The following PABPC4 variants were observed in gnomAD, a reference collection of about 807,000 sequenced individuals.
PABPC4 encodes the protein poly(A) binding protein cytoplasmic 4.
PABPC4 carries 15 observed loss-of-function variants against 74.5 expected under a neutral mutation model. The observed-to-expected ratio is 0.20, with a 90% CI of 0.13 to 0.31. The LOEUF (loss-of-function observed/expected upper bound fraction) is 0.31, where lower values mean the gene tolerates loss of function less well. Among genes scored for constraint, PABPC4 ranks in the 10% least tolerant of loss-of-function variants. The pLI is 1.00. For missense variants in PABPC4, 610 were observed against 853.5 expected, an observed-to-expected ratio of 0.71 and a Z score of 3.55; for synonymous variants, 345 against 303.0, an observed-to-expected ratio of 1.14 and a Z score of -1.44.
chr1:39,565,204 T>C lies in PABPC4; in HGVS notation c.1147A>G (p.Met383Val). ...GCTCTCATTCCAGCCACTCGTTGCA[T>C]ATACTGGTTGGTCAGGTGAGCCTTT... ...ERKAHLTNQY[M>V]QRVAGMRALP... Residue 383 changes from methionine to valine, a missense_variant, in exon 8 of 16, where the codon ATG (methionine) becomes GTG (valine). This residue lies in a region of PABPC4 where 277 missense variants were observed against 301.8 expected (regional missense o/e 0.92). Coordinates refer to ENST00000372858, the MANE Select transcript of PABPC4 (RefSeq NM_001135653.2). 1 of 1,614,220 alleles carries C rather than the reference T, an allele frequency of 6.2e-7. No individual in the cohort carries two copies. Among genetic ancestry groups the C allele is most frequent in the Non-Finnish European group, 8.5e-7 (1 of 1,180,030 alleles).
At chr1:39,573,381 A>G (rs920706189) in intron 1 of PABPC4, among the ~76,000 whole-genome samples, 1 of 152,208 alleles carries the variant, frequency 6.6e-6, no homozygotes, top group Non-Finnish European at 1.5e-5. Context: ...CCCTGCACCC[A>G]CCTTTTGAAG....
At position 39,569,933 on chromosome 1, in the gene PABPC4, G is replaced by A. The variant is rs536003408; in HGVS notation, c.573C>T (p.Thr191=). The A allele has an allele frequency of 2.5e-6, 4 of 1,613,920 alleles. No individual in the cohort carries two copies. In the South Asian group the frequency reaches 3.3e-5, roughly 13 times the overall value. The part of the protein sequence containing the change: ...AELGAKAKEF[T]NVYIKNFGEE... ...CCCCAAAGTTTTTGATATAAACATT[G>A]GTGAATTCCTTGGCTTTGGCTCCAA... The change falls in exon 4 of 16, where the codon ACC becomes ACT. Residue 191 remains threonine (T), a synonymous_variant. Coordinates refer to ENST00000372858, the MANE Select transcript of PABPC4 (RefSeq NM_001135653.2).
chr1:39,572,407 T>C lies in PABPC4; in HGVS notation c.373A>G (p.Ile125Val), dbSNP rs1407903800. The change falls in exon 2 of 16, where the codon ATA (isoleucine) becomes GTA (valine). Residue 125 changes from isoleucine (I) to valine (V), a missense_variant. Around this residue, in one of 4 missense-constraint regions of PABPC4, gnomAD observed 304 missense variants for 478.9 expected, o/e 0.63. Coordinates refer to ENST00000372858, the MANE Select transcript of PABPC4 (RefSeq NM_001135653.2). ...LYDTFSAFGN[I>V]LSCKVVCDEN... is the part of the protein sequence containing the mutation. ...TCAATGTTTACCTTGCAGGACAGTA[T>C]GTTTCCAAAAGCAGAAAAAGTATCA... The C allele has an allele frequency of 2.5e-6, 4 of 1,611,570 alleles. No individual in the cohort carries two copies. The highest frequency in any genetic ancestry group is 1.3e-5 in the African/African-American group (1 of 74,892).
Position 39,564,489 on chromosome 1 carries a change from G to A in PABPC4, c.1387C>T (p.Arg463Cys), listed in dbSNP as rs756811613. ...GCATTACCAGTTGGAGCCAGATGGCGAAGAGTTGGACGAGGCCCAGACTGG... is the reference window on the plus strand; with the variant it reads ...GCATTACCAGTTGGAGCCAGATGGCAAAGAGTTGGACGAGGCCCAGACTGG... ...IRQSGPRPTL[R>C]HLAPTGNAPA... The change falls in exon 10 of 16, where the codon CGC becomes TGC. Residue 463 changes from arginine to cysteine, a missense_variant. Around this residue, in one of 4 missense-constraint regions of PABPC4, gnomAD observed 277 missense variants for 301.8 expected, o/e 0.92. Coordinates refer to ENST00000372858, the MANE Select transcript of PABPC4 (RefSeq NM_001135653.2). 1.2e-5 allele frequency: 20 copies of A among 1,614,122 alleles called. No individual in the cohort carries two copies. The highest frequency in any genetic ancestry group is 1.5e-5 in the Non-Finnish European group (18 of 1,180,038).
chr1:39,562,532 T>G, intron 12 of PABPC4, 116 bp from the exon 13 acceptor site: 1 of 733,894 alleles, frequency 1.4e-6, no homozygotes, highest in Non-Finnish European at 2.3e-6. Context: ...AGGAGGTGGC[T>G]GTCCTTGCTC....
At chr1:39,571,466 G>A in intron 2 of PABPC4, 117 bp from the exon 3 acceptor site, 1 of 1,165,870 alleles carries the variant, frequency 8.6e-7, no homozygotes, top group East Asian at 2.5e-5. Flanking sequence ...TGGTGGTCAA[G>A]TACACCAGTA....
chr1:39,572,359 A>G lies in PABPC4; in HGVS notation c.387+34T>C, dbSNP rs370917174. On this transcript the variant is annotated intron_variant, in intron 2 of 15. Transcript: ENST00000372858. ...TTATCTTGTTTTCAAGAATCAATTA[A>G]TTATTCTGCTAAAATCATTTAATCA... is the stretch of plus-strand genomic sequence containing the variant. The G allele has an allele frequency of 9.0e-6, 13 of 1,450,778 alleles. No individual in the cohort carries two copies. In the African/African-American group the frequency reaches 1.8e-4, roughly 20 times the overall value. 89.9% of individuals were successfully genotyped at this position (1,450,778 alleles called of 1,614,324 possible). A position where few individuals can be genotyped will look rare whatever the true frequency, so the allele number is the denominator to read the frequency against.
chr1:39,564,106 T>C (rs1255588238), intron 10 of PABPC4, 184 bp from the exon 11 acceptor site: 10 of 629,298 alleles, frequency 1.6e-5, no homozygotes, highest in Non-Finnish European at 2.5e-5. Flanking sequence ...CAAGACATAT[T>C]CTGTATACAC....
intron 8 of PABPC4, 48 bp from the exon 9 acceptor site, chr1:39,564,821 T>G: frequency 1.4e-6 from 2 of 1,412,230 alleles, no homozygotes; most frequent in Non-Finnish European, 2.0e-6. Context: ...ACTGAACCCA[T>G]CCTAGAGAAG....
intron 5 of PABPC4, 91 bp from the exon 6 acceptor site, chr1:39,569,030 T>A: frequency 7.0e-7 from 1 of 1,435,518 alleles, no homozygotes; most frequent in South Asian, 1.4e-5. Flanking sequence ...CTTTCTACTA[T>A]AGGACTAAAA....
chr1:39,564,999 A>G (rs1645815583), intron 8 of PABPC4, 107 bp downstream of exon 8: 1 of 1,236,026 alleles, frequency 8.1e-7, no homozygotes, highest in Admixed American at 1.9e-5. Context: ...AAGGGTCCTT[A>G]TTGTGACATT....
At chr1:39,575,031 C>G (rs1645996975) in intron 1 of PABPC4, among the ~76,000 whole-genome samples, 1 of 152,228 alleles carries the variant, frequency 6.6e-6, no homozygotes, top group Non-Finnish European at 1.5e-5. Context: ...TAGTGCAAAG[C>G]ACTGTTACAG....
At chr1:39,575,233 G>C (rs574125842) in intron 1 of PABPC4, among the ~76,000 whole-genome samples, 12 of 152,324 alleles carry the variant, frequency 7.9e-5, no homozygotes, top group Admixed American at 7.8e-4. Flanking sequence ...CTCTGCGAAA[G>C]TTTAACGCAC....
Position 39,568,793 on chromosome 1 carries a change from C to T in PABPC4, c.876+9G>A. The T allele has an allele frequency of 1.2e-6, 2 of 1,611,318 alleles. No homozygotes were observed. The highest frequency in any genetic ancestry group is 1.3e-5 in the African/African-American group (1 of 74,912). ...ATCCCATTGCTAGGCTGGGCCAAGA[C>T]CACCTTACCTGATATCGACTAATTC... On this transcript the variant is annotated intron_variant, in intron 6 of 15. Coordinates refer to ENST00000372858, the MANE Select transcript of PABPC4 (RefSeq NM_001135653.2).
At chr1:39,568,983 G>C in intron 5 of PABPC4, 44 bp from the exon 6 acceptor site, 1 of 1,586,256 alleles carries the variant, frequency 6.3e-7, no homozygotes, top group Non-Finnish European at 8.6e-7. Context: ...TGCAGCGATG[G>C]GGTCTTATTC....
In PABPC4 at chr1:39,576,258, T is replaced by G. The variant is rs950266270; in HGVS notation, c.-307A>C. 1.3e-5 allele frequency: 4 copies of G among 300,046 alleles called. No individual in the cohort carries two copies. The East Asian group carries it at 2.2e-4, about 16-fold the overall frequency. 18.6% of individuals were successfully genotyped at this position (300,046 alleles called of 1,614,324 possible). A position where few individuals can be genotyped will look rare whatever the true frequency, so the allele number is the denominator to read the frequency against. ...TCAAAAAATCAAAGTAGGAAAAAAA[T>G]TAAACGGGGAATCCCCTTCCGAAGG... is the stretch of plus-strand genomic sequence containing the variant. On this transcript the variant is annotated 5_prime_UTR_variant, in exon 1 of 16. Transcript: ENST00000372858.
chr1:39,576,024 C>T lies in PABPC4; in HGVS notation c.-73G>A, dbSNP rs1646020964. 2 of 1,019,780 alleles carry T rather than the reference C, an allele frequency of 2.0e-6. No homozygotes were observed. The highest frequency in any genetic ancestry group is 3.5e-5 in the Admixed American group (1 of 28,368). 63.2% of individuals were successfully genotyped at this position (1,019,780 alleles called of 1,614,324 possible). ...GGGCCCGCCGCAGGACAAAGGGGCG[C>T]CTTCGGAGCCCGGGCCCGCGCCGCG... is the stretch of plus-strand genomic sequence containing the variant. On this transcript the variant is annotated 5_prime_UTR_variant, in exon 1 of 16. Coordinates refer to ENST00000372858, the MANE Select transcript of PABPC4 (RefSeq NM_001135653.2).
At position 39,576,444 on chromosome 1, in the gene PABPC4, C is replaced by G. The variant is rs1280187226; in HGVS notation, c.-493G>C. ...GGGCGCCGACTCGGCGAGCCCCGGGCGGGCGGCGAAGGGCAGCACGGACAC... is the reference window on the plus strand; with the variant it reads ...GGGCGCCGACTCGGCGAGCCCCGGGGGGGCGGCGAAGGGCAGCACGGACAC... On this transcript the variant is annotated 5_prime_UTR_variant, in exon 1 of 16. Transcript: ENST00000372858. 1 of 151,296 alleles carries G rather than the reference C, an allele frequency of 6.6e-6. No individual in the cohort carries two copies. The highest frequency in any genetic ancestry group is 1.9e-4 in the South Asian group (1 of 5,174). The allele number at this position is 151,296 out of a possible 1,614,324, so 9.4% of individuals were successfully genotyped here. A position where few individuals can be genotyped will look rare whatever the true frequency, so the allele number is the denominator to read the frequency against.
intron 7 of PABPC4, chr1:39,567,268 A>G (rs1645861563): frequency 2.5e-6 from 1 of 407,380 alleles, no homozygotes; most frequent in Non-Finnish European, 4.8e-6. Flanking sequence ...GCACACTACG[A>G]AACATAGAAA....
Sources: allele counts gnomAD v4.1 joint callset (sites outside exome capture counted in the v4.1 genomes callset), GRCh38; gene constraint gnomAD v4.1.1; regional missense constraint gnomAD v4.1.1; transcripts MANE v1.5; gene names NCBI Gene and HGNC (gene_info 2026-07-23, HGNC 2026-07-21).